The following ICAM1 variants were observed in gnomAD, a reference collection of about 807,000 sequenced individuals.
ICAM1 encodes intercellular adhesion molecule 1, also known as ICAM-1.
A neutral mutation model predicts 42.3 loss-of-function variants in ICAM1; 28 were observed. The observed-to-expected ratio is 0.66, with a 90% CI of 0.49 to 0.91. The LOEUF (loss-of-function observed/expected upper bound fraction) is 0.91, where lower values mean the gene tolerates loss of function less well. Among genes scored for constraint, ICAM1 ranks in the 40% least tolerant of loss-of-function variants. The pLI, the probability that ICAM1 is intolerant of heterozygous loss-of-function variation, is 0.00. For missense variants in ICAM1, 637 were observed against 688.6 expected (o/e 0.93, Z 0.84); for synonymous variants, 304 against 305.9 (o/e 0.99, Z 0.07).
chr19:10,285,494 G>A lies in ICAM1; in HGVS notation c.*207G>A. 2 of 573,318 alleles carry A rather than the reference G, an allele frequency of 3.5e-6. No homozygotes were observed. Among genetic ancestry groups the A allele is most frequent in the Middle Eastern group, 4.7e-4 (1 of 2,142 alleles). The allele number at this position is 573,318 out of a possible 1,614,324, so 35.5% of individuals were successfully genotyped here. On this transcript the variant is annotated 3_prime_UTR_variant, in exon 7 of 7. Transcript: ENST00000264832. ...AAACACTAGGCCACGCATCTGATCT[G>A]TAGTCACATGACTAAGCCAAGAGGA... is the stretch of plus-strand genomic sequence containing the variant.
Position 10,283,575 on chromosome 19 carries a change from C to G in ICAM1, c.426C>G (p.Pro142=), listed in dbSNP as rs371494307. The G allele has an allele frequency of 6.2e-7, 1 of 1,613,522 alleles. No individual in the cohort carries two copies. The highest frequency in any genetic ancestry group is 8.5e-7 in the Non-Finnish European group (1 of 1,179,878). Residue 142 remains proline (P), a synonymous_variant, in exon 3 of 7, where the codon CCC becomes CCG. Coordinates refer to ENST00000264832, the MANE Select transcript of ICAM1 (RefSeq NM_000201.3). ...TLRCQVEGGA[P]RANLTVVLLR... The stretch of plus-strand genomic sequence containing the variant: ...GCTGCCAGGTGGAGGGTGGGGCACC[C>G]CGGGCCAACCTCACCGTGGTGCTGC...
chr19:10,284,824 A>C lies in ICAM1; in HGVS notation c.1222A>C (p.Thr408Pro), dbSNP rs1281922240. The stretch of plus-strand genomic sequence containing the variant: ...CGAGAGGGATTGTCCGGGAAACTGG[A>C]CGTGGCCAGAAAATTCCCAGCAGAC... Reference protein sequence around the residue: ...LDERDCPGNWTWPENSQQTPM... With the variant: ...LDERDCPGNWPWPENSQQTPM... Residue 408 changes from threonine to proline, a missense_variant, in exon 6 of 7, where the codon ACG (threonine) becomes CCG (proline). Physicochemically the swap from Thr to Pro is conservative, Grantham distance 38. Coordinates refer to ENST00000264832, the MANE Select transcript of ICAM1 (RefSeq NM_000201.3). The surrounding 1 kb of genome is among the most constrained non-coding windows in gnomAD (Gnocchi z 5.4). 3.1e-6 allele frequency: 5 copies of C among 1,596,916 alleles called. No homozygotes were observed. The Admixed American group carries it at 9.4e-5, about 30-fold the overall frequency.
rs2040080157 is a variant in ICAM1, at chr19:10,283,784, T to C, written c.635T>C (p.Phe212Ser). The C allele has an allele frequency of 1.3e-6, 2 of 1,597,886 alleles. No individual in the cohort carries two copies. The highest frequency in any genetic ancestry group is 1.1e-5 in the South Asian group (1 of 90,066). ...NTSAPYQLQTFVLPATPPQLV... is the reference protein window; with the variant it reads ...NTSAPYQLQTSVLPATPPQLV... ...TCGGCCCCCTACCAGCTCCAGACCT[T>C]TGGTGAGGATTGAAGAAGCCAGCAG... The change falls in exon 3 of 7, where the codon TTT becomes TCT. Residue 212 changes from phenylalanine to serine, a missense_variant and splice_region_variant. Transcript: ENST00000264832.
intron 2 of ICAM1, 38 bp from the exon 3 acceptor site, chr19:10,283,442 TC>T: frequency 6.6e-7 from 1 of 1,513,734 alleles, no homozygotes; most frequent in Non-Finnish European, 8.8e-7. Context: ...GGCAGCAAGG[TC>T]CACTTCACCA....
rs761539599 is a variant in ICAM1 at position 10,285,132 on chromosome 19, G to GTCA, written c.1451_1453dup (p.Ile484dup). 6.2e-7 allele frequency: 1 copy of GTCA among 1,614,160 alleles called. No homozygotes were observed. The highest frequency in any genetic ancestry group is 1.7e-5 in the Admixed American group (1 of 60,014). On this transcript the variant is annotated inframe_insertion, in exon 7 of 7. Transcript: ENST00000264832. ...CCCCACAGCCCCCCGGTATGAGATT[G>GTCA]TCATCATCACTGTGGTAGCAGCCGC...
chr19:10,277,868 A>G (rs1211200141), intron 2 of ICAM1, among the ~76,000 whole-genome samples: 1 of 152,202 alleles, frequency 6.6e-6, no homozygotes, highest in Non-Finnish European at 1.5e-5. Context: ...AGGAATTCAA[A>G]TGAAAACAAA....
At position 10,272,541 on chromosome 19, in the gene ICAM1, TC is replaced by T. The variant is rs1193196846; in HGVS notation, c.67+1316del. Among the ~76,000 whole-genome samples, 11 of 148,514 alleles carry T rather than the reference TC, an allele frequency of 7.4e-5. No individual in the cohort carries two copies. The South Asian group carries it at 2.1e-3, about 29-fold the overall frequency. ...AGGGACCTGATCCAAATAAGCCCCT[TC>T]TTTCTTTCTTTTCTTTTCTTTTTTT... On this transcript the variant is annotated intron_variant, in intron 1 of 6. Transcript: ENST00000264832.
At chr19:10,281,881 C>T (rs2040062082) in intron 2 of ICAM1, among the ~76,000 whole-genome samples, 2 of 152,074 alleles carry the variant, frequency 1.3e-5, no homozygotes, top group South Asian at 4.1e-4. Context: ...GCTGGGACTA[C>T]AGGCACACAA....
rs146324794 is a variant in ICAM1 at position 10,283,704 on chromosome 19, G to A, written c.555G>A (p.Ser185=). Residue 185 remains serine, a synonymous_variant, in exon 3 of 7, where the codon TCG becomes TCA. Coordinates refer to ENST00000264832, the MANE Select transcript of ICAM1 (RefSeq NM_000201.3). Reference sequence around the variant, plus strand: ...GAGATCACCATGGAGCCAATTTCTCGTGCCGCACTGAACTGGACCTGCGGC... The same window carrying A: ...GAGATCACCATGGAGCCAATTTCTCATGCCGCACTGAACTGGACCTGCGGC... ...VRRDHHGANF[S]CRTELDLRPQ... is the part of the protein sequence containing the mutation. 61 of 1,613,796 alleles carry A rather than the reference G, an allele frequency of 3.8e-5. No individual in the cohort carries two copies. The highest frequency in any genetic ancestry group is 1.6e-4 in the Middle Eastern group (1 of 6,084).
rs755711677 is a variant in ICAM1 at position 10,285,041 on chromosome 19, G to C, written c.1426+13G>C. 12 of 1,613,328 alleles carry C rather than the reference G, an allele frequency of 7.4e-6. No individual in the cohort carries two copies. The African/African-American group carries it at 1.5e-4, about 20-fold the overall frequency. ...GTGAATGTGCTCTGTGAGTGAGCCG[G>C]CGGGCAGAGCTGGGTGGGGGCAGGG... On this transcript the variant is annotated intron_variant, in intron 6 of 6. Transcript: ENST00000264832.
chr19:10,276,126 C>T (rs113932776), intron 2 of ICAM1, among the ~76,000 whole-genome samples: 61 of 150,702 alleles, frequency 4.0e-4, no homozygotes, highest in African/African-American at 1.3e-3. Context: ...CCCAGGGGTT[C>T]GAATCCTAGG....
chr19:10,277,171 G>A (rs1156978323), intron 2 of ICAM1, among the ~76,000 whole-genome samples: 1 of 151,718 alleles, frequency 6.6e-6, no homozygotes, highest in Admixed American at 6.6e-5. Context: ...TGGGTGTGGA[G>A]AATTCTTTTT....
rs375889372 is a variant in ICAM1 at position 10,283,216 on chromosome 19, C to G, written c.332-265C>G. ...CTGCTGAATTTATTTGACCAGACACCTAGCAATAGACTTTGAAGTTCTTTT... is the reference window on the plus strand; with the variant it reads ...CTGCTGAATTTATTTGACCAGACACGTAGCAATAGACTTTGAAGTTCTTTT... On this transcript the variant is annotated intron_variant, in intron 2 of 6. Transcript: ENST00000264832. 5.2e-4 allele frequency: 201 copies of G among 386,020 alleles called. 1 individual carries two copies. The East Asian group carries it at 6.5e-3, about 13-fold the overall frequency. The allele number at this position is 386,020 out of a possible 1,614,324, so 23.9% of individuals were successfully genotyped here.
chr19:10,274,023 A>T (rs955063019), intron 1 of ICAM1, among the ~76,000 whole-genome samples: 6 of 152,128 alleles, frequency 3.9e-5, no homozygotes, highest in East Asian at 1.9e-4. Context: ...CAAAAAAAAA[A>T]AAAATAAAAG....
At chr19:10,279,944 C>T (rs1363897497) in intron 2 of ICAM1, among the ~76,000 whole-genome samples, 4 of 151,574 alleles carry the variant, frequency 2.6e-5, no homozygotes, top group Non-Finnish European at 5.9e-5. Context: ...GGAGCTGGGA[C>T]TTTCCTTCTT....
At position 10,285,698 on chromosome 19, in the gene ICAM1, T is replaced by C. The variant is rs538178533; in HGVS notation, c.*411T>C. On this transcript the variant is annotated 3_prime_UTR_variant, in exon 7 of 7. Transcript: ENST00000264832. ...CAGAAGAAGTGGCCCTCCATAGACA[T>C]GTGTAGCATCAAAACACAAAGGCCC... The C allele has an allele frequency of 1.1e-5, 2 of 183,198 alleles. No homozygotes were observed. The highest frequency in any genetic ancestry group is 4.7e-5 in the African/African-American group (2 of 42,560). 11.3% of individuals were successfully genotyped at this position (183,198 alleles called of 1,614,324 possible). A position where few individuals can be genotyped will look rare whatever the true frequency, so the allele number is the denominator to read the frequency against.
rs1378331069 is a variant in ICAM1 at position 10,284,611 on chromosome 19, C to T, written c.1134C>T (p.Ala378=). The change falls in exon 5 of 7, where the codon GCC becomes GCT. Residue 378 remains alanine, a synonymous_variant. Transcript: ENST00000264832. The surrounding 1 kb of genome is among the most constrained non-coding windows in gnomAD (Gnocchi z 5.4). ...CCTGCTCTGCAACCCTGGAGGTGGCCGGCCAGCTTATACACAAGAACCAGA... is the reference window on the plus strand; with the variant it reads ...CCTGCTCTGCAACCCTGGAGGTGGCTGGCCAGCTTATACACAAGAACCAGA... ...SFSCSATLEV[A]GQLIHKNQTR... is the part of the protein sequence containing the mutation. 6 of 1,614,036 alleles carry T rather than the reference C, an allele frequency of 3.7e-6. No individual in the cohort carries two copies. The highest frequency in any genetic ancestry group is 4.5e-5 in the East Asian group (2 of 44,894).
intron 1 of ICAM1, 52 bp downstream of exon 1, chr19:10,271,278 G>A (rs747363189): frequency 1.1e-5 from 17 of 1,523,444 alleles, no homozygotes; most frequent in Non-Finnish European, 1.5e-5. Context: ...GCCCCGGGAG[G>A]ACCGGCTCCC....
chr19:10,282,656 G>A (rs962819938), intron 2 of ICAM1, among the ~76,000 whole-genome samples: 1 of 151,790 alleles, frequency 6.6e-6, no homozygotes, highest in Non-Finnish European at 1.5e-5. Flanking sequence ...AAAGTGCTAG[G>A]ATTACAGCCT....
Sources: allele counts gnomAD v4.1 joint callset (sites outside exome capture counted in the v4.1 genomes callset), GRCh38; gene constraint gnomAD v4.1.1; non-coding constraint Gnocchi (gnomAD v3.1); transcripts MANE v1.5; gene names NCBI Gene and HGNC (gene_info 2026-07-23, HGNC 2026-07-21).